The following GPD2 variants were observed in gnomAD, a reference collection of about 807,000 sequenced individuals.
GPD2 encodes glycerol-3-phosphate dehydrogenase 2.
In GPD2, 54 loss-of-function variants were observed where a neutral mutation model predicts 82.4. The observed-to-expected ratio is 0.66, with a 90% CI of 0.53 to 0.82. GPD2 has a LOEUF of 0.82. Among genes scored for constraint, GPD2 ranks in the 40% least tolerant of loss-of-function variants. The pLI is 0.00. For synonymous variants in GPD2, 288 were observed against 306.1 expected (o/e 0.94, Z 0.62); for missense variants, 748 against 896.2 (o/e 0.83, Z 2.11).
chr2:156,575,377 A>G (rs1300462092), intron 13 of GPD2, among the ~76,000 whole-genome samples: 1 of 148,704 alleles, frequency 6.7e-6, no homozygotes, highest in Admixed American at 6.8e-5. Context: ...CATTTCAGAT[A>G]TATCATTTTC....
intron 3 of GPD2, among the ~76,000 whole-genome samples, chr2:156,499,655 A>G (rs1306292215): frequency 6.6e-6 from 1 of 152,120 alleles, no homozygotes; most frequent in Non-Finnish European, 1.5e-5. Flanking sequence ...TGTTTCTTTC[A>G]AATAGTAGTG....
chr2:156,408,845 GTGCATGTTGAAGTAAAAAATT>G, the GPD2 span, among the ~76,000 whole-genome samples: 1 of 151,948 alleles, frequency 6.6e-6, no homozygotes, highest in African/African-American at 2.4e-5. Flanking sequence ...GCCCAAAAAT[GTGCATGTTGAAGTAAAAAATT>G]TGCATGTTGA....
chr2:156,425,378 G>T, the GPD2 span, among the ~76,000 whole-genome samples: 2 of 152,034 alleles, frequency 1.3e-5, no homozygotes, highest in South Asian at 4.1e-4. Flanking sequence ...TGCCTGACCT[G>T]CATTTATCTT....
chr2:156,530,574 G>A (rs9677998), intron 6 of GPD2, among the ~76,000 whole-genome samples: 95,331 of 147,218 alleles, frequency 0.65, 31,637 homozygotes, highest in Middle Eastern at 0.8. Context: ...GGTTTGTCAT[G>A]GATAGCTCTT....
intron 2 of GPD2, among the ~76,000 whole-genome samples, chr2:156,485,936 T>C (rs1683922575): frequency 6.6e-6 from 1 of 152,244 alleles, no homozygotes; most frequent in Non-Finnish European, 1.5e-5. Flanking sequence ...GACTGTATCA[T>C]TCATTTGCCT....
the GPD2 span, among the ~76,000 whole-genome samples, chr2:156,420,078 A>T: frequency 2.6e-5 from 4 of 152,248 alleles, no homozygotes; most frequent in African/African-American, 9.6e-5. Flanking sequence ...AATATTTGGC[A>T]TCCTAACAAT....
chr2:156,565,149 T>A (rs912154194), intron 9 of GPD2, among the ~76,000 whole-genome samples: 1 of 152,128 alleles, frequency 6.6e-6, no homozygotes, highest in Non-Finnish European at 1.5e-5. Flanking sequence ...TTCCATCAAA[T>A]AACTTTAAAA....
intron 1 of GPD2, among the ~76,000 whole-genome samples, chr2:156,451,329 G>A (rs1271886435): frequency 6.6e-6 from 1 of 150,800 alleles, no homozygotes; most frequent in African/African-American, 2.4e-5. Flanking sequence ...AGGGCGGCTG[G>A]CCGGGCGGGG....
chr2:156,447,357 C>T (rs1682403962), intron 1 of GPD2, among the ~76,000 whole-genome samples: 1 of 151,274 alleles, frequency 6.6e-6, no homozygotes, highest in Non-Finnish European at 1.5e-5. Flanking sequence ...TTTCCTGAGA[C>T]AGGGTCTTAT....
At chr2:156,578,396 T>C (rs1687901677) in intron 13 of GPD2, among the ~76,000 whole-genome samples, 1 of 151,864 alleles carries the variant, frequency 6.6e-6, no homozygotes, top group African/African-American at 2.4e-5. Flanking sequence ...GTCACCAAAC[T>C]ACAAGAATTT....
At position 156,584,672 on chromosome 2, in the gene GPD2, A is replaced by C. The variant is rs576720189; in HGVS notation, c.*1754A>C. 4 of 152,644 alleles carry C rather than the reference A, an allele frequency of 2.6e-5. 1 individual carries two copies. The highest frequency in any genetic ancestry group is 6.6e-5 in the Admixed American group (1 of 15,254). 9.5% of individuals were successfully genotyped at this position (152,644 alleles called of 1,614,324 possible). ...GTATCACTGTGAACTTTTTTCTTTC[A>C]AAGTGTGAATTTTTACACTGGCTTT... On this transcript the variant is annotated 3_prime_UTR_variant, in exon 17 of 17. Coordinates refer to ENST00000438166, the MANE Select transcript of GPD2 (RefSeq NM_000408.5).
intron 13 of GPD2, among the ~76,000 whole-genome samples, chr2:156,576,896 G>A (rs900576474): frequency 6.6e-6 from 1 of 152,164 alleles, no homozygotes; most frequent in Non-Finnish European, 1.5e-5. Context: ...CTAGGTAAAA[G>A]TGGTGGAACA....
Position 156,449,381 on chromosome 2 carries a change from T to G in GPD2, c.-9+12868T>G, listed in dbSNP as rs1682473432. On this transcript the variant is annotated intron_variant, in intron 1 of 16. Coordinates refer to ENST00000438166, the MANE Select transcript of GPD2 (RefSeq NM_000408.5). ...TTGCTATAAAGTAGTCTTTCTTAATTTCTTCTCACTGTACCTTTCCAAGAA... is the reference window on the plus strand; with the variant it reads ...TTGCTATAAAGTAGTCTTTCTTAATGTCTTCTCACTGTACCTTTCCAAGAA... Among the ~76,000 whole-genome samples, 4 of 152,146 alleles carry G rather than the reference T, an allele frequency of 2.6e-5. No individual in the cohort carries two copies. In the South Asian group the frequency reaches 8.3e-4, roughly 32 times the overall value.
intron 1 of GPD2, among the ~76,000 whole-genome samples, chr2:156,449,941 G>T (rs1165506331): frequency 1.3e-5 from 2 of 151,710 alleles, no homozygotes; most frequent in African/African-American, 2.4e-5. Flanking sequence ...AACCTGGGAG[G>T]TGGAGGTTGC....
chr2:156,439,375 G>A (rs1682060710), intron 1 of GPD2, among the ~76,000 whole-genome samples: 1 of 151,452 alleles, frequency 6.6e-6, no homozygotes, highest in Non-Finnish European at 1.5e-5. Context: ...TTGAGCCCAG[G>A]AGTTTGAGAC....
intron 1 of GPD2, among the ~76,000 whole-genome samples, chr2:156,468,388 G>A (rs181440959): frequency 4.8e-4 from 73 of 152,320 alleles, no homozygotes; most frequent in Admixed American, 4.7e-3. Flanking sequence ...TTGTATGCGA[G>A]TGTGAGGCCT....
At chr2:156,416,352 C>CT in the GPD2 span, among the ~76,000 whole-genome samples, 598 of 142,744 alleles carry the variant, frequency 4.2e-3, 3 homozygotes, top group Non-Finnish European at 6.4e-3. Flanking sequence ...TAAAATATTT[C>CT]TTTTTTTTTT....
In GPD2 at chr2:156,532,585, T is replaced by C. The variant is rs989202841; in HGVS notation, c.662-17023T>C. 2.0e-5 allele frequency among the ~76,000 whole-genome samples: 3 copies of C among 152,222 alleles called. No individual in the cohort carries two copies. In the East Asian group the frequency reaches 5.8e-4, roughly 29 times the overall value. ...GCATTTTAACCATTTTTCACAAATA[T>C]TGAACTTGAAATTTTAGAGCCATCA... On this transcript the variant is annotated intron_variant, in intron 6 of 16. Coordinates refer to ENST00000438166, the MANE Select transcript of GPD2 (RefSeq NM_000408.5).
chr2:156,401,854 T>C, the GPD2 span, among the ~76,000 whole-genome samples: 1 of 151,846 alleles, frequency 6.6e-6, no homozygotes, highest in Non-Finnish European at 1.5e-5. Flanking sequence ...ACAAAAGATA[T>C]AGGAGGGGAA....
Sources: allele counts gnomAD v4.1 joint callset (sites outside exome capture counted in the v4.1 genomes callset), GRCh38; gene constraint gnomAD v4.1.1; transcripts MANE v1.5; gene names NCBI Gene and HGNC (gene_info 2026-07-23, HGNC 2026-07-21).